MAP7: variants seen among roughly 807,000 people sequenced by gnomAD.
MAP7 encodes microtubule associated protein 7.
A neutral mutation model predicts 94.8 loss-of-function variants in MAP7; 52 were observed. The observed-to-expected ratio is 0.55, with a 90% confidence interval of 0.44 to 0.69. The LOEUF is 0.69. Among genes scored for constraint, MAP7 ranks in the 30% least tolerant of loss-of-function variants. The pLI is 0.00. For synonymous variants in MAP7, 350 were observed against 357.0 expected (o/e 0.98, Z 0.22); for missense variants, 940 against 964.6 (o/e 0.97, Z 0.34).
At chr6:136,536,605 T>C (rs1828909309) in intron 1 of MAP7, among the ~76,000 whole-genome samples, 1 of 152,234 alleles carries the variant, frequency 6.6e-6, no homozygotes, top group African/African-American at 2.4e-5. Flanking sequence ...CTTAAATTTC[T>C]TGCTGGAAAT....
intron 1 of MAP7, among the ~76,000 whole-genome samples, chr6:136,478,543 C>T (rs1351042370): frequency 2.0e-5 from 3 of 151,554 alleles, no homozygotes; most frequent in African/African-American, 7.3e-5. Context: ...TAAACAAAAT[C>T]AACAAAACAT....
In MAP7 at chr6:136,389,425, G is replaced by T. The variant is rs769984906; in HGVS notation, c.337C>A (p.Gln113Lys). The T allele has an allele frequency of 6.3e-7, 1 of 1,596,738 alleles. No homozygotes were observed. The highest frequency in any genetic ancestry group is 1.1e-5 in the South Asian group (1 of 88,750). ...CTCCTCCGCTCCTCCTTCTGCCTCT[G>T]CTCCTCCAACCTCTTCTTCCGCTCT... The part of the protein sequence containing the change: ...LEERKKRLEE[Q>K]RQKEERRRAA... The change falls in exon 4 of 18, where the codon CAG becomes AAG. Residue 113 changes from glutamine to lysine, a missense_variant. Physicochemically the swap from Gln to Lys is moderately conservative, Grantham distance 53 (BLOSUM62 1). Transcript: ENST00000354570.
chr6:136,475,302 A>C (rs1810512310), intron 1 of MAP7, among the ~76,000 whole-genome samples: 1 of 152,250 alleles, frequency 6.6e-6, no homozygotes, highest in African/African-American at 2.4e-5. Flanking sequence ...AATGTATTGC[A>C]TATTCTCATT....
intron 1 of MAP7, among the ~76,000 whole-genome samples, chr6:136,480,147 C>T (rs901722801): frequency 1.3e-5 from 2 of 152,100 alleles, no homozygotes; most frequent in Non-Finnish European, 2.9e-5. Context: ...AAAACAGACA[C>T]ACAGAACAAT....
intron 1 of MAP7, among the ~76,000 whole-genome samples, chr6:136,424,948 A>G (rs187727748): frequency 7.0e-4 from 106 of 152,352 alleles, no homozygotes; most frequent in African/African-American, 2.5e-3. Flanking sequence ...CTCAGTTCCC[A>G]GCTCTGTATA....
At chr6:136,397,211 A>C (rs1782727657) in intron 3 of MAP7, among the ~76,000 whole-genome samples, 1 of 152,238 alleles carries the variant, frequency 6.6e-6, no homozygotes, top group Admixed American at 6.5e-5. Flanking sequence ...AGGATAACAA[A>C]GTATTTCAAT....
At chr6:136,392,197 C>T (rs1780969508) in intron 3 of MAP7, among the ~76,000 whole-genome samples, 1 of 152,156 alleles carries the variant, frequency 6.6e-6, no homozygotes, top group South Asian at 2.1e-4. Context: ...CCCATCTCAG[C>T]CACCTGGGTA....
chr6:136,450,368 T>A (rs78191277), intron 1 of MAP7, among the ~76,000 whole-genome samples: 2,490 of 152,186 alleles, frequency 0.016, 87 homozygotes, highest in East Asian at 0.14. Context: ...GATTTTTTTT[T>A]AAAATGAATT....
chr6:136,540,090 C>T (rs560419074), intron 1 of MAP7, among the ~76,000 whole-genome samples: 4 of 152,188 alleles, frequency 2.6e-5, no homozygotes, highest in East Asian at 3.9e-4. Flanking sequence ...AAAAAATGCA[C>T]ATTAAAAACC....
chr6:136,358,805 C>G (rs1470978418), intron 15 of MAP7, among the ~76,000 whole-genome samples: 1 of 152,176 alleles, frequency 6.6e-6, no homozygotes, highest in Non-Finnish European at 1.5e-5. Flanking sequence ...TAACCACCTG[C>G]ATGTACAATC....
At chr6:136,512,227 C>T (rs1823497907) in intron 1 of MAP7, among the ~76,000 whole-genome samples, 1 of 152,216 alleles carries the variant, frequency 6.6e-6, no homozygotes, top group Non-Finnish European at 1.5e-5. Flanking sequence ...GTGTTGCCTC[C>T]AATCAGTTAT....
At chr6:136,512,350 C>A (rs1823533914) in intron 1 of MAP7, among the ~76,000 whole-genome samples, 1 of 152,216 alleles carries the variant, frequency 6.6e-6, no homozygotes, top group African/African-American at 2.4e-5. Flanking sequence ...AACAGCTCAA[C>A]AGAAAAAGAG....
At chr6:136,463,724 TA>T (rs1806003953) in intron 1 of MAP7, among the ~76,000 whole-genome samples, 3 of 152,276 alleles carry the variant, frequency 2.0e-5, no homozygotes, top group Admixed American at 2.0e-4. Flanking sequence ...GGCCACTTTA[TA>T]AAGGAGGAGA....
At chr6:136,516,933 C>A (rs1161202156) in intron 1 of MAP7, among the ~76,000 whole-genome samples, 1 of 150,358 alleles carries the variant, frequency 6.7e-6, no homozygotes, top group Admixed American at 6.6e-5. Flanking sequence ...TGCACACGAG[C>A]GCACATGCAC....
chr6:136,523,967 G>A (rs1324180864), intron 1 of MAP7, among the ~76,000 whole-genome samples: 2 of 152,110 alleles, frequency 1.3e-5, no homozygotes, highest in East Asian at 3.8e-4. Flanking sequence ...AGGGCAGGGC[G>A]CAGTGACTCA....
At chr6:136,430,180 G>A (rs1794497662) in intron 1 of MAP7, among the ~76,000 whole-genome samples, 1 of 152,174 alleles carries the variant, frequency 6.6e-6, no homozygotes, top group South Asian at 2.1e-4. Flanking sequence ...TTTAAATAAT[G>A]TGGAAAAGAA....
intron 1 of MAP7, among the ~76,000 whole-genome samples, chr6:136,479,238 A>G (rs978658867): frequency 3.9e-5 from 6 of 152,190 alleles, no homozygotes; most frequent in African/African-American, 1.4e-4. Flanking sequence ...GTGATACATC[A>G]TATCAACAAA....
In MAP7 at chr6:136,372,641, T is replaced by C. The variant is rs533616590; in HGVS notation, c.752-16A>G. The C allele has an allele frequency of 6.2e-7, 1 of 1,613,908 alleles. No homozygotes were observed. The highest frequency in any genetic ancestry group is 1.1e-5 in the South Asian group (1 of 91,064). Reference sequence around the variant, plus strand: ...CTGCAAGATGCTGAACGAGGACAAATGGGGATAACTAGGGTGCAGGTGATT... The same window carrying C: ...CTGCAAGATGCTGAACGAGGACAAACGGGGATAACTAGGGTGCAGGTGATT... On this transcript the variant is annotated splice_polypyrimidine_tract_variant and intron_variant, in intron 7 of 17. Coordinates refer to ENST00000354570, the MANE Select transcript of MAP7 (RefSeq NM_003980.6).
chr6:136,531,994 C>T (rs986073234), intron 1 of MAP7, among the ~76,000 whole-genome samples: 2 of 152,072 alleles, frequency 1.3e-5, no homozygotes, highest in Non-Finnish European at 2.9e-5. Flanking sequence ...CAGGATACAG[C>T]CTATTCAGTT....
Sources: allele counts gnomAD v4.1 joint callset (sites outside exome capture counted in the v4.1 genomes callset), GRCh38; gene constraint gnomAD v4.1.1; transcripts MANE v1.5; gene names NCBI Gene and HGNC (gene_info 2026-07-23, HGNC 2026-07-21).